CEP89: variants seen among roughly 807,000 people sequenced by gnomAD.
CEP89 encodes the protein centrosomal protein 89.
A neutral mutation model predicts 97.6 loss-of-function variants in CEP89; 95 were observed. The ratio of observed to expected loss-of-function variants is 0.97; its 90% CI spans 0.82 to 1.15. The LOEUF (loss-of-function observed/expected upper bound fraction) is 1.15, where lower values mean the gene tolerates loss of function less well. Ranked by LOEUF, CEP89 falls within the 50% of genes most tolerant of loss-of-function variation. The pLI is 0.00. For missense variants in CEP89, 869 were observed against 947.7 expected (o/e 0.92, Z 1.09); for synonymous variants, 354 against 349.1 (o/e 1.01, Z -0.16).
chr19:32,914,525 G>C (rs926640094), intron 14 of CEP89, among the ~76,000 whole-genome samples: 1 of 151,984 alleles, frequency 6.6e-6, no homozygotes, highest in Non-Finnish European at 1.5e-5. Flanking sequence ...GCCTGCCTTG[G>C]CCTCTCAAAG....
At chr19:32,926,559 G>T (rs1970362267) in intron 10 of CEP89, among the ~76,000 whole-genome samples, 1 of 152,132 alleles carries the variant, frequency 6.6e-6, no homozygotes, top group Non-Finnish European at 1.5e-5. Flanking sequence ...ACCTCCTGCG[G>T]TCAGAATGAG....
chr19:32,925,894 G>A (rs1187894336), intron 11 of CEP89, among the ~76,000 whole-genome samples: 1 of 152,008 alleles, frequency 6.6e-6, no homozygotes, highest in South Asian at 2.1e-4. Context: ...CATATGGGCT[G>A]GCTGTCCAGA....
At chr19:32,949,054 A>G (rs1486226101) in intron 4 of CEP89, among the ~76,000 whole-genome samples, 1 of 152,116 alleles carries the variant, frequency 6.6e-6, no homozygotes, top group Non-Finnish European at 1.5e-5. Context: ...ATGTGGGACA[A>G]GCAGTGCTGA....
intron 2 of CEP89, among the ~76,000 whole-genome samples, chr19:32,964,137 C>T (rs1467298594): frequency 1.3e-5 from 2 of 151,868 alleles, no homozygotes; most frequent in African/African-American, 4.8e-5. Flanking sequence ...AGATATTTAC[C>T]CGAGAAATGA....
chr19:32,927,865 A>G (rs1453066862), intron 9 of CEP89, among the ~76,000 whole-genome samples: 1 of 147,090 alleles, frequency 6.8e-6, no homozygotes. Flanking sequence ...TCAGCTTCAC[A>G]CAGTGCTGGG....
intron 14 of CEP89, among the ~76,000 whole-genome samples, chr19:32,914,035 C>T (rs915238061): frequency 3.3e-5 from 5 of 152,098 alleles, no homozygotes; most frequent in Non-Finnish European, 4.4e-5. Flanking sequence ...CAGGCAGGCA[C>T]GCCCCTGTAG....
chr19:32,961,984 A>G (rs987455270), intron 2 of CEP89, among the ~76,000 whole-genome samples: 7 of 151,832 alleles, frequency 4.6e-5, no homozygotes, highest in African/African-American at 1.5e-4. Flanking sequence ...TGCAATTGTC[A>G]CACAGCAATA....
In CEP89 at chr19:32,953,683, C is replaced by G; in HGVS notation, c.424G>C (p.Asp142His). The change falls in exon 4 of 19, where the codon GAT becomes CAT. Residue 142 changes from aspartate (D) to histidine (H), a missense_variant. Physicochemically the swap from Asp to His is moderately conservative, Grantham distance 81. Coordinates refer to ENST00000305768, the MANE Select transcript of CEP89 (RefSeq NM_032816.5). ...CCTCTGTCCTCCCGGGCACTGACATCCCCCAATTCCTTGCCGCTGGATGAC... is the reference window on the plus strand; with the variant it reads ...CCTCTGTCCTCCCGGGCACTGACATGCCCCAATTCCTTGCCGCTGGATGAC... ...QLSSSGKELG[D>H]VSAREDRGGH... 6.2e-7 allele frequency: 1 copy of G among 1,613,926 alleles called. No homozygotes were observed. The highest frequency in any genetic ancestry group is 8.5e-7 in the Non-Finnish European group (1 of 1,179,868).
chr19:32,913,763 C>T (rs1194449086), intron 14 of CEP89, among the ~76,000 whole-genome samples: 2 of 151,808 alleles, frequency 1.3e-5, no homozygotes, highest in Non-Finnish European at 2.9e-5. Flanking sequence ...CTCAGCCTCC[C>T]GAGTAGCTGG....
chr19:32,962,428 G>A (rs1248423007), intron 2 of CEP89, among the ~76,000 whole-genome samples: 1 of 152,170 alleles, frequency 6.6e-6, no homozygotes, highest in African/African-American at 2.4e-5. Flanking sequence ...ACAGCAGTGT[G>A]AGAACGGACT....
At chr19:32,946,962 T>C (rs1324207708) in intron 5 of CEP89, among the ~76,000 whole-genome samples, 3 of 152,316 alleles carry the variant, frequency 2.0e-5, no homozygotes, top group Admixed American at 6.5e-5. Context: ...AGTATTACTT[T>C]TGTAATTTAA....
chr19:32,890,084 C>T (rs1226735453), intron 16 of CEP89, among the ~76,000 whole-genome samples: 1 of 152,136 alleles, frequency 6.6e-6, no homozygotes, highest in Non-Finnish European at 1.5e-5. Context: ...AGACTGACCA[C>T]ACTCTTATCA....
At chr19:32,921,254 T>A (rs1425905347) in intron 12 of CEP89, among the ~76,000 whole-genome samples, 1 of 149,032 alleles carries the variant, frequency 6.7e-6, no homozygotes, top group Non-Finnish European at 1.5e-5. Context: ...AGAAAGAAAG[T>A]GTCTGCTGAA....
chr19:32,971,707 C>T lies in CEP89; in HGVS notation c.39+129G>A, dbSNP rs1466440963. The T allele has an allele frequency of 4.5e-6, 4 of 895,664 alleles. No individual in the cohort carries two copies. In the African/African-American group the frequency reaches 5.1e-5, roughly 11 times the overall value. The allele number at this position is 895,664 out of a possible 1,614,324, so 55.5% of individuals were successfully genotyped here. On this transcript the variant is annotated intron_variant, in intron 1 of 18. Coordinates refer to ENST00000305768, the MANE Select transcript of CEP89 (RefSeq NM_032816.5). ...ACACGAAAAATCAAGGCTTCCTCAA[C>T]TGAAAACCACTTTCTCTTGTGCCGC... is the stretch of plus-strand genomic sequence containing the variant.
At chr19:32,880,245 G>T (rs563604403) in intron 18 of CEP89, among the ~76,000 whole-genome samples, 1 of 152,334 alleles carries the variant, frequency 6.6e-6, no homozygotes, top group South Asian at 2.1e-4. Context: ...GATGGTTCTG[G>T]AAAATGTTGG....
At chr19:32,886,375 C>T (rs1969395366) in intron 17 of CEP89, among the ~76,000 whole-genome samples, 1 of 152,176 alleles carries the variant, frequency 6.6e-6, no homozygotes. Context: ...TTCCCACCAC[C>T]CTCCACCTCG....
chr19:32,903,454 T>C (rs1568551975), intron 14 of CEP89, among the ~76,000 whole-genome samples: 1 of 152,060 alleles, frequency 6.6e-6, no homozygotes, highest in Non-Finnish European at 1.5e-5. Flanking sequence ...ACAAAGGTTT[T>C]TAGAAAAACA....
chr19:32,906,495 T>G (rs1348439942), intron 14 of CEP89, among the ~76,000 whole-genome samples: 1 of 152,148 alleles, frequency 6.6e-6, no homozygotes, highest in Non-Finnish European at 1.5e-5. Context: ...ATTTTATGTA[T>G]TCTTAAATCC....
At chr19:32,923,831 C>T (rs894149824) in intron 11 of CEP89, among the ~76,000 whole-genome samples, 1 of 151,988 alleles carries the variant, frequency 6.6e-6, no homozygotes, top group Non-Finnish European at 1.5e-5. Flanking sequence ...CTATAACTGC[C>T]GAATACTGAT....
Sources: allele counts gnomAD v4.1 joint callset (sites outside exome capture counted in the v4.1 genomes callset), GRCh38; gene constraint gnomAD v4.1.1; transcripts MANE v1.5; gene names NCBI Gene and HGNC (gene_info 2026-07-23, HGNC 2026-07-21).